The following SHB variants were observed in gnomAD, a reference collection of about 807,000 sequenced individuals.
The protein encoded by SHB is SH2 domain-containing adapter protein B.
SHB carries 20 observed loss-of-function variants against 52.3 expected under a neutral mutation model. That is an observed-to-expected ratio of 0.38 (90% CI 0.27 to 0.56). The LOEUF (loss-of-function observed/expected upper bound fraction) is 0.56. Among genes scored for constraint, SHB ranks in the 20% least tolerant of loss-of-function variants. SHB has a pLI of 0.71. For missense variants in SHB, 825 were observed against 723.3 expected (o/e 1.14, Z -1.61); for synonymous variants, 397 against 316.5 (o/e 1.25, Z -2.70).
intron 4 of SHB, among the ~76,000 whole-genome samples, chr9:37,954,494 G>A (rs1338836365): frequency 2.0e-5 from 3 of 152,160 alleles, no homozygotes; most frequent in East Asian, 3.9e-4. Flanking sequence ...GAGGGGAGGG[G>A]AGAGGGTGGG....
intron 1 of SHB, among the ~76,000 whole-genome samples, chr9:38,033,269 T>C (rs1354050575): frequency 6.6e-6 from 1 of 152,180 alleles, no homozygotes; most frequent in Non-Finnish European, 1.5e-5. Flanking sequence ...AAGATAAAAG[T>C]GAGCACCCCA....
intron 1 of SHB, among the ~76,000 whole-genome samples, chr9:38,026,086 C>T (rs1564104917): frequency 6.6e-6 from 1 of 152,234 alleles, no homozygotes; most frequent in Non-Finnish European, 1.5e-5. Flanking sequence ...GCCCGTGAGG[C>T]TTTCTCACGG....
intron 1 of SHB, among the ~76,000 whole-genome samples, chr9:38,065,648 T>A (rs1455552930): frequency 6.6e-6 from 1 of 152,144 alleles, no homozygotes; most frequent in East Asian, 1.9e-4. Context: ...TCTGGACAAC[T>A]TCTCAAAAGA....
At chr9:38,054,783 C>T (rs1047538270) in intron 1 of SHB, among the ~76,000 whole-genome samples, 10 of 152,182 alleles carry the variant, frequency 6.6e-5, no homozygotes, top group Non-Finnish European at 1.0e-4. Flanking sequence ...GTTCAACCAA[C>T]GAGTTCCTGT....
intron 1 of SHB, among the ~76,000 whole-genome samples, chr9:38,024,342 G>A (rs1821315443): frequency 6.6e-6 from 1 of 152,280 alleles, no homozygotes; most frequent in Admixed American, 6.5e-5. Context: ...AGACCTGACA[G>A]TGACCTGCCC....
At chr9:37,980,320 A>T (rs891009923) in intron 2 of SHB, among the ~76,000 whole-genome samples, 3 of 152,214 alleles carry the variant, frequency 2.0e-5, no homozygotes, top group South Asian at 2.1e-4. Context: ...TCATTTTAAC[A>T]ATGTTCCCAG....
intron 2 of SHB, among the ~76,000 whole-genome samples, chr9:38,004,764 G>T (rs1373466919): frequency 6.6e-6 from 1 of 152,216 alleles, no homozygotes; most frequent in Non-Finnish European, 1.5e-5. Flanking sequence ...CAGCGTCCAC[G>T]CAGAGACTCG....
rs538814358 is a variant in SHB, at chr9:37,980,295, C to G, written c.839-5458G>C. ...TCATCAACTAAGTTTATGTACTATTCTAAATCCTATGTTGTCATTTTAACA... is the reference window on the plus strand; with the variant it reads ...TCATCAACTAAGTTTATGTACTATTGTAAATCCTATGTTGTCATTTTAACA... On this transcript the variant is annotated intron_variant, in intron 2 of 5. Coordinates refer to ENST00000377707, the MANE Select transcript of SHB (RefSeq NM_003028.3). 4.5e-4 allele frequency among the ~76,000 whole-genome samples: 69 copies of G among 152,324 alleles called. 1 individual carries two copies. The highest frequency in any genetic ancestry group is 1.6e-3 in the African/African-American group (68 of 41,568).
intron 1 of SHB, among the ~76,000 whole-genome samples, chr9:38,056,358 G>A (rs987975292): frequency 7.2e-5 from 11 of 152,056 alleles, no homozygotes; most frequent in African/African-American, 2.7e-4. Context: ...TTGAGACAGA[G>A]TCTTGCTCTG....
intron 2 of SHB, among the ~76,000 whole-genome samples, chr9:37,995,004 G>T (rs974390377): frequency 6.6e-6 from 1 of 152,158 alleles, no homozygotes. Flanking sequence ...CGTTCTTCCT[G>T]AGTGTTTCAT....
intron 2 of SHB, among the ~76,000 whole-genome samples, chr9:37,990,153 G>C (rs1004361596): frequency 3.3e-5 from 5 of 152,132 alleles, no homozygotes; most frequent in African/African-American, 1.2e-4. Context: ...TGTTCCAATG[G>C]AGTCCCCTCT....
chr9:37,970,090 G>C (rs1820573809), intron 3 of SHB, among the ~76,000 whole-genome samples: 1 of 152,242 alleles, frequency 6.6e-6, no homozygotes, highest in South Asian at 2.1e-4. Context: ...TGGAGGCAGA[G>C]CTGCAGTCCA....
chr9:38,054,897 T>G (rs543225091), intron 1 of SHB, among the ~76,000 whole-genome samples: 1 of 152,160 alleles, frequency 6.6e-6, no homozygotes, highest in Non-Finnish European at 1.5e-5. Context: ...ATCTCAACAT[T>G]GGAAGTTTTC....
chr9:37,939,415 C>A (rs1832412095), intron 5 of SHB, among the ~76,000 whole-genome samples: 1 of 152,248 alleles, frequency 6.6e-6, no homozygotes, highest in Non-Finnish European at 1.5e-5. Context: ...AAAGTAGGAG[C>A]AATGAGTTGC....
At chr9:38,067,840 G>C (rs1020711880) in intron 1 of SHB, 89 bp downstream of exon 1, 5 of 1,321,350 alleles carry the variant, frequency 3.8e-6, no homozygotes, top group Admixed American at 3.6e-5. Context: ...AGCTGAAGTA[G>C]AGACTCAACA....
At chr9:38,064,176 G>A (rs1229313405) in intron 1 of SHB, among the ~76,000 whole-genome samples, 2 of 151,750 alleles carry the variant, frequency 1.3e-5, no homozygotes, top group African/African-American at 4.8e-5. Context: ...CAGGAGCTCG[G>A]GACCTCACCG....
intron 2 of SHB, among the ~76,000 whole-genome samples, chr9:37,998,306 G>C (rs1820974521): frequency 6.6e-6 from 1 of 152,132 alleles, no homozygotes; most frequent in Non-Finnish European, 1.5e-5. Flanking sequence ...TGACCACCAA[G>C]GACTCCATAA....
At chr9:38,010,114 G>C (rs1280242860) in intron 2 of SHB, among the ~76,000 whole-genome samples, 1 of 152,194 alleles carries the variant, frequency 6.6e-6, no homozygotes, top group African/African-American at 2.4e-5. Flanking sequence ...GTAAGCGAGG[G>C]CTCCAGAAGG....
chr9:37,948,154 C>G (rs553390221), intron 5 of SHB, among the ~76,000 whole-genome samples: 7 of 152,314 alleles, frequency 4.6e-5, no homozygotes, highest in Admixed American at 4.6e-4. Flanking sequence ...ACACAAACCG[C>G]AAGCCAGAGC....
Sources: allele counts gnomAD v4.1 joint callset (sites outside exome capture counted in the v4.1 genomes callset), GRCh38; gene constraint gnomAD v4.1.1; transcripts MANE v1.5; gene names NCBI Gene and HGNC (gene_info 2026-07-23, HGNC 2026-07-21).